Variants in DAPK2 observed in about 807,000 individuals in gnomAD.
DAPK2 encodes death associated protein kinase 2.
In DAPK2, 35 loss-of-function variants were observed where a neutral mutation model predicts 44.1. The ratio of observed to expected loss-of-function variants is 0.79; its 90% confidence interval spans 0.61 to 1.05. DAPK2 has a LOEUF of 1.05. Ranked by LOEUF, DAPK2 falls within the 50% of genes least tolerant of loss-of-function variation. The probability of loss-of-function intolerance (pLI) is 0.00; values close to 1 mark genes in which losing one functional copy is unlikely to be tolerated. For missense variants in DAPK2, 453 were observed against 483.2 expected (o/e 0.94, Z 0.59); for synonymous variants, 174 against 182.6 (o/e 0.95, Z 0.38).
At chr15:63,979,298 G>A (rs1280393542) in intron 2 of DAPK2, among the ~76,000 whole-genome samples, 1 of 152,164 alleles carries the variant, frequency 6.6e-6, no homozygotes, top group Non-Finnish European at 1.5e-5. Context: ...CAAGAGTCAC[G>A]ACCAGAGGCA....
chr15:63,942,788 T>C (rs2077344612), intron 3 of DAPK2, among the ~76,000 whole-genome samples: 1 of 151,892 alleles, frequency 6.6e-6, no homozygotes, highest in Non-Finnish European at 1.5e-5. Flanking sequence ...CAGAAGGCCT[T>C]CTCTGCTCTC....
chr15:63,955,611 G>A (rs140045181), intron 3 of DAPK2, among the ~76,000 whole-genome samples: 5 of 152,170 alleles, frequency 3.3e-5, no homozygotes, highest in East Asian at 1.9e-4. Context: ...CTCTGTCACC[G>A]AGGCTGGAGT....
chr15:63,965,724 T>C (rs922677376), intron 3 of DAPK2, among the ~76,000 whole-genome samples: 7 of 152,196 alleles, frequency 4.6e-5, no homozygotes, highest in South Asian at 4.1e-4. Flanking sequence ...TCTCCCCCCA[T>C]GGCCCCCACT....
rs2078703627 is a variant in DAPK2 at position 63,908,526 on chromosome 15, G to C, written c.1107C>G (p.Thr369=). The stretch of plus-strand genomic sequence containing the variant: ...CCACTGCAGGTCAGGCCAGTTAGGA[G>C]GTGCTGCTCCTCCTCCGTGGGTGGA... Residue 369 remains threonine (T), a synonymous_variant, in exon 11 of 11, where the codon ACC becomes ACG. Transcript: ENST00000261891. The surrounding 1 kb of genome is among the most constrained non-coding windows in gnomAD (Gnocchi z 5.7). 1.3e-6 allele frequency: 2 copies of C among 1,593,230 alleles called. No individual in the cohort carries two copies. Among genetic ancestry groups the C allele is most frequent in the African/African-American group, 1.3e-5 (1 of 74,672 alleles).
chr15:63,908,317 C>T lies in DAPK2; in HGVS notation c.*203G>A. The stretch of plus-strand genomic sequence containing the variant: ...TGGAGAATTAAGAGCTTTGGGAATG[C>T]TGGAGCCTCCTCCACAGAAGACAGC... On this transcript the variant is annotated 3_prime_UTR_variant, in exon 11 of 11. Transcript: ENST00000261891. This position sits in a 1 kb window ranked among gnomAD's most constrained non-coding sequence, Gnocchi z 5.7. 2.4e-6 allele frequency: 1 copy of T among 413,104 alleles called. No individual in the cohort carries two copies. Among genetic ancestry groups the T allele is most frequent in the South Asian group, 6.8e-5 (1 of 14,662 alleles). 25.6% of individuals were successfully genotyped at this position (413,104 alleles called of 1,614,324 possible).
intron 4 of DAPK2, chr15:63,935,548 T>A (rs1233988372): frequency 6.6e-6 from 1 of 152,246 alleles, no homozygotes; most frequent in East Asian, 1.9e-4. Flanking sequence ...CAGGTATTTG[T>A]CTTCCCTGAC....
chr15:64,029,011 A>C (rs977287528), intron 1 of DAPK2, among the ~76,000 whole-genome samples: 1 of 152,234 alleles, frequency 6.6e-6, no homozygotes, highest in African/African-American at 2.4e-5. Flanking sequence ...ATTTAAAAAC[A>C]ACATGGAGTC....
intron 4 of DAPK2, among the ~76,000 whole-genome samples, chr15:63,937,560 C>T (rs2077196421): frequency 6.6e-6 from 1 of 152,122 alleles, no homozygotes; most frequent in Admixed American, 6.5e-5. Context: ...GGTGTTCCTC[C>T]CCTCCTCTGG....
chr15:63,967,961 G>T (rs557615434), intron 3 of DAPK2, among the ~76,000 whole-genome samples: 160 of 152,278 alleles, frequency 1.1e-3, no homozygotes, highest in African/African-American at 3.4e-3. Flanking sequence ...TGTTCCTGGG[G>T]CAGTAAGGAC....
At chr15:63,942,858 T>G (rs2077346869) in intron 3 of DAPK2, among the ~76,000 whole-genome samples, 1 of 152,024 alleles carries the variant, frequency 6.6e-6, no homozygotes, top group South Asian at 2.1e-4. Context: ...ACACAGTGCT[T>G]CTTACTCTGA....
intron 1 of DAPK2, among the ~76,000 whole-genome samples, chr15:64,004,214 C>T (rs779434758): frequency 3.3e-5 from 5 of 152,132 alleles, no homozygotes; most frequent in Non-Finnish European, 5.9e-5. Flanking sequence ...ATTTTATTGG[C>T]CACTTCCTGA....
intron 2 of DAPK2, among the ~76,000 whole-genome samples, chr15:63,972,450 A>C (rs2078238928): frequency 6.6e-6 from 1 of 152,218 alleles, no homozygotes. Flanking sequence ...GAGAATACCT[A>C]AGTGGCCATC....
At chr15:63,941,852 C>T (rs573061061) in intron 3 of DAPK2, among the ~76,000 whole-genome samples, 3 of 152,306 alleles carry the variant, frequency 2.0e-5, no homozygotes, top group East Asian at 3.9e-4. Context: ...TCTAGCACCC[C>T]TGACCAGCCC....
At position 63,908,755 on chromosome 15, in the gene DAPK2, G is replaced by C. The variant is rs554558884; in HGVS notation, c.1033-155C>G. The C allele has an allele frequency of 5.3e-5, 27 of 512,990 alleles. No individual in the cohort carries two copies. Among genetic ancestry groups the C allele is most frequent in the African/African-American group, 5.2e-4 (26 of 50,324 alleles). 31.8% of individuals were successfully genotyped at this position (512,990 alleles called of 1,614,324 possible). ...AGCAAGCCTGCTGATCCATCCAGGG[G>C]CTGGGGGATGGGAGGGATCTGAAAC... On this transcript the variant is annotated intron_variant, in intron 10 of 10. Transcript: ENST00000261891. This position sits in a 1 kb window ranked among gnomAD's most constrained non-coding sequence, Gnocchi z 5.7.
chr15:64,016,379 G>T (rs1040428925), intron 1 of DAPK2, among the ~76,000 whole-genome samples: 2 of 152,254 alleles, frequency 1.3e-5, no homozygotes, highest in East Asian at 3.8e-4. Flanking sequence ...GAGCCAAAGA[G>T]ACATGGATTT....
intron 3 of DAPK2, among the ~76,000 whole-genome samples, chr15:63,965,492 T>C (rs1402758326): frequency 6.6e-6 from 1 of 152,228 alleles, no homozygotes. Flanking sequence ...CCTAGGGCTC[T>C]ACAATAGGCA....
intron 1 of DAPK2, among the ~76,000 whole-genome samples, chr15:64,018,214 A>C (rs1489693803): frequency 6.6e-6 from 1 of 152,178 alleles, no homozygotes; most frequent in East Asian, 1.9e-4. Context: ...TGAGGCGGGC[A>C]GACAAGCATT....
At chr15:63,969,674 G>A (rs557427475) in intron 3 of DAPK2, among the ~76,000 whole-genome samples, 5 of 151,710 alleles carry the variant, frequency 3.3e-5, no homozygotes, top group East Asian at 3.9e-4. Context: ...CCAGGAAGTC[G>A]AGGCTGCAGT....
intron 1 of DAPK2, among the ~76,000 whole-genome samples, chr15:64,018,923 G>A (rs73456762): frequency 0.018 from 2,769 of 152,284 alleles, 81 homozygotes; most frequent in African/African-American, 0.064. Flanking sequence ...CTGCCTCTGA[G>A]GATTTAGAGA....
Sources: gnomAD v4.1 joint callset for allele counts (sites outside exome capture counted in the v4.1 genomes callset) on GRCh38, gnomAD v4.1.1 for gene constraint, Gnocchi (gnomAD v3.1) non-coding constraint, MANE v1.5 for transcripts, NCBI Gene and HGNC (gene_info 2026-07-23, HGNC 2026-07-21) for gene names.